The following CLVS1 variants were observed in gnomAD, a reference collection of about 807,000 sequenced individuals.
CLVS1 encodes clavesin-1.
Under a neutral mutation model 33.1 loss-of-function variants are expected in CLVS1, and 10 were observed. The ratio of observed to expected loss-of-function variants is 0.30; its 90% CI spans 0.19 to 0.51. The LOEUF (loss-of-function observed/expected upper bound fraction) is 0.51. Ranked by LOEUF, CLVS1 falls within the 20% of genes least tolerant of loss-of-function variation. The pLI is 0.97. For missense variants in CLVS1, 343 were observed against 433.4 expected, an observed-to-expected ratio of 0.79 and a Z score of 1.85; for synonymous variants, 163 against 166.1, an observed-to-expected ratio of 0.98 and a Z score of 0.14.
chr8:61,149,482 G>A (rs756137265), intron 2 of CLVS1, among the ~76,000 whole-genome samples: 5 of 149,156 alleles, frequency 3.4e-5, no homozygotes, highest in Non-Finnish European at 5.9e-5. Context: ...AACCCGGAAG[G>A]TGGAGGTTTC....
chr8:61,240,570 T>C lies in CLVS1; in HGVS notation c.-151-59107T>C, dbSNP rs1347018722. 2.6e-5 allele frequency among the ~76,000 whole-genome samples: 4 copies of C among 152,348 alleles called. No homozygotes were observed. The East Asian group carries it at 7.7e-4, about 29-fold the overall frequency. On this transcript the variant is annotated intron_variant, in intron 2 of 2. Transcript: ENST00000522621. ...AATTTATGCTGCAGTAAAGGCAAGATCTTTGTCTATTTTATTCACAATTGT... is the reference window on the plus strand; with the variant it reads ...AATTTATGCTGCAGTAAAGGCAAGACCTTTGTCTATTTTATTCACAATTGT...
intron 1 of CLVS1, among the ~76,000 whole-genome samples, chr8:61,095,355 A>C (rs1404307153): frequency 2.6e-5 from 4 of 152,246 alleles, no homozygotes; most frequent in African/African-American, 9.6e-5. Context: ...TTCTGACCCC[A>C]GAGCAGGGGC....
chr8:61,220,857 C>T (rs375162971), intron 2 of CLVS1, among the ~76,000 whole-genome samples: 1 of 152,030 alleles, frequency 6.6e-6, no homozygotes, highest in African/African-American at 2.4e-5. Context: ...TTGTAGTTCT[C>T]CTTGAAGAAG....
chr8:61,315,729 A>G (rs1301595493), intron 2 of CLVS1, among the ~76,000 whole-genome samples: 1 of 152,018 alleles, frequency 6.6e-6, no homozygotes, highest in Non-Finnish European at 1.5e-5. Context: ...AACCTGGTTT[A>G]TTCTTTTTTT....
chr8:61,166,022 C>G (rs1806855313), intron 2 of CLVS1, among the ~76,000 whole-genome samples: 1 of 95,534 alleles, frequency 1.0e-5, no homozygotes, highest in South Asian at 3.1e-4. Context: ...TGTGGCTAAG[C>G]ATCTAAGCGT....
chr8:61,046,863 T>A, the CLVS1 span, among the ~76,000 whole-genome samples: 3 of 152,152 alleles, frequency 2.0e-5, no homozygotes, highest in East Asian at 5.8e-4. Context: ...TTGCTGAAGT[T>A]GCTTATCAGC....
intron 2 of CLVS1, among the ~76,000 whole-genome samples, chr8:61,320,885 T>C (rs532005147): frequency 3.3e-5 from 5 of 152,214 alleles, no homozygotes; most frequent in Admixed American, 2.6e-4. Flanking sequence ...ATAAGAAGTA[T>C]GATACTGTTT....
At chr8:61,018,932 A>C in the CLVS1 span, among the ~76,000 whole-genome samples, 1 of 152,212 alleles carries the variant, frequency 6.6e-6, no homozygotes, top group Non-Finnish European at 1.5e-5. Context: ...AGGAAATTTC[A>C]TGCTGCAGCC....
intron 5 of CLVS1, among the ~76,000 whole-genome samples, chr8:61,460,839 T>TG (rs777217700): frequency 7.9e-5 from 12 of 152,264 alleles, no homozygotes; most frequent in Non-Finnish European, 1.6e-4. Context: ...ACCATTGCTT[T>TG]GCCTGTGCTT....
intron 2 of CLVS1, among the ~76,000 whole-genome samples, chr8:61,150,177 T>C (rs1336850229): frequency 6.6e-6 from 1 of 150,638 alleles, no homozygotes; most frequent in Non-Finnish European, 1.5e-5. Flanking sequence ...CAGGAAATCC[T>C]TTGTCAGTGA....
At chr8:61,473,717 G>T (rs1817815738) in intron 5 of CLVS1, among the ~76,000 whole-genome samples, 1 of 152,188 alleles carries the variant, frequency 6.6e-6, no homozygotes, top group African/African-American at 2.4e-5. Context: ...GAATAAACAA[G>T]ATCTGATGAT....
chr8:61,091,817 A>C (rs1805255265), intron 1 of CLVS1, among the ~76,000 whole-genome samples: 1 of 152,262 alleles, frequency 6.6e-6, no homozygotes, highest in African/African-American at 2.4e-5. Flanking sequence ...AAATGTCAGA[A>C]AGGTCACAGT....
At chr8:61,010,178 T>TGACTTCC in the CLVS1 span, among the ~76,000 whole-genome samples, 1 of 152,192 alleles carries the variant, frequency 6.6e-6, no homozygotes, top group Admixed American at 6.5e-5. Context: ...TGCTGACTTC[T>TGACTTCC]GACTTCCTCT....
At chr8:61,479,691 G>T (rs1818109147) in intron 5 of CLVS1, among the ~76,000 whole-genome samples, 1 of 152,094 alleles carries the variant, frequency 6.6e-6, no homozygotes, top group Admixed American at 6.5e-5. Flanking sequence ...TTTCTGCTCT[G>T]TTTTTTCCCC....
At chr8:61,408,801 A>G (rs1815098027) in intron 3 of CLVS1, among the ~76,000 whole-genome samples, 1 of 152,180 alleles carries the variant, frequency 6.6e-6, no homozygotes, top group Non-Finnish European at 1.5e-5. Context: ...CTGTTGATAT[A>G]CTTGAGTGTT....
chr8:61,447,737 T>C (rs1816808259), intron 3 of CLVS1, among the ~76,000 whole-genome samples: 1 of 152,082 alleles, frequency 6.6e-6, no homozygotes, highest in Non-Finnish European at 1.5e-5. Flanking sequence ...CAGAGTATCA[T>C]AATTTTTACT....
intron 2 of CLVS1, among the ~76,000 whole-genome samples, chr8:61,218,026 A>G (rs558220871): frequency 8.5e-5 from 13 of 152,264 alleles, no homozygotes; most frequent in Non-Finnish European, 1.5e-5. Flanking sequence ...TGATATGGAG[A>G]AACGGGGACT....
the CLVS1 span, among the ~76,000 whole-genome samples, chr8:60,981,194 G>A: frequency 6.6e-6 from 1 of 152,196 alleles, no homozygotes; most frequent in African/African-American, 2.4e-5. Flanking sequence ...AAAAACTTAG[G>A]TCCCTACTGT....
intron 1 of CLVS1, among the ~76,000 whole-genome samples, chr8:61,119,624 G>A (rs1226156554): frequency 8.7e-5 from 13 of 149,276 alleles, no homozygotes; most frequent in East Asian, 2.0e-4. Flanking sequence ...TTTCTCCTTC[G>A]CTTATGAAGC....
Sources: allele counts gnomAD v4.1 joint callset (sites outside exome capture counted in the v4.1 genomes callset), GRCh38; gene constraint gnomAD v4.1.1; transcripts MANE v1.5; gene names NCBI Gene and HGNC (gene_info 2026-07-23, HGNC 2026-07-21).